The following TGFBR3 variants were observed in gnomAD, a reference collection of about 807,000 sequenced individuals.
The protein encoded by TGFBR3 is transforming growth factor beta receptor type 3.
Under a neutral mutation model 87.9 loss-of-function variants are expected in TGFBR3, and 46 were observed. The observed-to-expected ratio is 0.52, with a 90% CI of 0.41 to 0.67. TGFBR3 has a LOEUF of 0.67. Among genes scored for constraint, TGFBR3 ranks in the 30% least tolerant of loss-of-function variants. The pLI, the probability that TGFBR3 is intolerant of heterozygous loss-of-function variation, is 0.00. For missense variants in TGFBR3, 866 were observed against 1,041.9 expected (o/e 0.83, Z 2.32); for synonymous variants, 381 against 391.6 (o/e 0.97, Z 0.32).
At chr1:91,771,869 G>A (rs1674392805) in intron 3 of TGFBR3, among the ~76,000 whole-genome samples, 1 of 152,066 alleles carries the variant, frequency 6.6e-6, no homozygotes, top group Non-Finnish European at 1.5e-5. Context: ...GAAGCTCACA[G>A]TTTGATGGGG....
chr1:91,783,252 C>G (rs1185309663), intron 3 of TGFBR3: 1 of 144,424 alleles, frequency 6.9e-6, no homozygotes, highest in Non-Finnish European at 1.5e-5. Flanking sequence ...ATTTCAGGTT[C>G]AGCTGAAGGA....
At chr1:91,707,510 C>T (rs1671834851) in intron 14 of TGFBR3, among the ~76,000 whole-genome samples, 1 of 152,208 alleles carries the variant, frequency 6.6e-6, no homozygotes, top group Admixed American at 6.5e-5. Context: ...ATCAGGAATG[C>T]CATCCCAGGG....
intron 2 of TGFBR3, among the ~76,000 whole-genome samples, chr1:91,803,418 G>A (rs1449483791): frequency 6.6e-6 from 1 of 152,174 alleles, no homozygotes; most frequent in Admixed American, 6.5e-5. Flanking sequence ...GATGTAACAG[G>A]CAGCACTAGA....
intron 4 of TGFBR3, among the ~76,000 whole-genome samples, chr1:91,736,301 G>A (rs968208098): frequency 1.3e-5 from 2 of 149,180 alleles, no homozygotes; most frequent in East Asian, 2.0e-4. Context: ...AGAAATGATC[G>A]TGACTACACT....
At chr1:91,807,278 C>A (rs914131212) in intron 2 of TGFBR3, among the ~76,000 whole-genome samples, 3 of 152,156 alleles carry the variant, frequency 2.0e-5, no homozygotes, top group African/African-American at 7.2e-5. Context: ...GTAGACAAGT[C>A]CTAAAACTTG....
At chr1:91,872,999 T>C (rs1430964874) in intron 1 of TGFBR3, among the ~76,000 whole-genome samples, 1 of 152,054 alleles carries the variant, frequency 6.6e-6, no homozygotes, top group Non-Finnish European at 1.5e-5. Flanking sequence ...GGTTTCACTC[T>C]GTCACTCAGG....
chr1:91,739,769 T>C (rs1303436673), intron 4 of TGFBR3, among the ~76,000 whole-genome samples: 5 of 151,874 alleles, frequency 3.3e-5, no homozygotes, highest in Non-Finnish European at 7.4e-5. Context: ...AGAAAAGAGG[T>C]TTAATTGGCT....
intron 3 of TGFBR3, among the ~76,000 whole-genome samples, chr1:91,796,801 C>T (rs1412715058): frequency 2.0e-5 from 3 of 152,176 alleles, no homozygotes; most frequent in Non-Finnish European, 4.4e-5. Flanking sequence ...ACTCCAGCCT[C>T]GATTTCCCAG....
intron 2 of TGFBR3, among the ~76,000 whole-genome samples, chr1:91,860,587 A>G (rs1022684974): frequency 2.6e-5 from 4 of 152,096 alleles, no homozygotes; most frequent in African/African-American, 7.2e-5. Flanking sequence ...TTAAGCAACA[A>G]TGTTCCAAGT....
intron 2 of TGFBR3, among the ~76,000 whole-genome samples, chr1:91,846,136 A>G (rs1263960979): frequency 6.6e-6 from 1 of 152,238 alleles, no homozygotes; most frequent in Admixed American, 6.5e-5. Flanking sequence ...CTTCTCCAAA[A>G]AGAAAAGCAA....
At chr1:91,723,237 T>C (rs1249065981) in intron 7 of TGFBR3, among the ~76,000 whole-genome samples, 2 of 152,010 alleles carry the variant, frequency 1.3e-5, no homozygotes, top group Non-Finnish European at 2.9e-5. Context: ...ATACTAGCAT[T>C]TGGGGAGGCT....
At position 91,681,830 on chromosome 1, in the gene TGFBR3, G is replaced by T. The variant is rs955327756; in HGVS notation, c.*1909C>A. ...GCTGAAACAATACATTCCACCGAAG[G>T]TTAGGCAAAGCGCAATATTTTCAAA... On this transcript the variant is annotated 3_prime_UTR_variant, in exon 17 of 17. Transcript: ENST00000212355. 2.0e-5 allele frequency: 9 copies of T among 453,160 alleles called. No individual in the cohort carries two copies. The highest frequency in any genetic ancestry group is 6.8e-4 in the Middle Eastern group (1 of 1,462). 28.1% of individuals were successfully genotyped at this position (453,160 alleles called of 1,614,324 possible). A position where few individuals can be genotyped will look rare whatever the true frequency, so the allele number is the denominator to read the frequency against.
chr1:91,746,874 T>A (rs994066692), intron 4 of TGFBR3, among the ~76,000 whole-genome samples: 1 of 152,208 alleles, frequency 6.6e-6, no homozygotes, highest in African/African-American at 2.4e-5. Flanking sequence ...TTTCTCACTC[T>A]AGAGCTCTTT....
chr1:91,903,338 CAAA>C lies in TGFBR3; in HGVS notation c.-175+2485_-175+2487del, dbSNP rs58672104. On this transcript the variant is annotated intron_variant, in intron 1 of 17. Coordinates refer to the TGFBR3 transcript ENST00000370399. ...TGGGAGACAGAGTGAGATTCTGCCT[CAAA>C]AAAAAAAAAAAAAAAAAAAAAAAAA... Among the ~76,000 whole-genome samples, 447 of 50,470 alleles carry C rather than the reference CAAA, an allele frequency of 8.9e-3. 2 individuals are homozygous for C. The highest frequency in any genetic ancestry group is 0.029 in the African/African-American group (422 of 14,450). The allele number at this position is 50,470 out of a possible 152,430, so 33.1% of individuals were successfully genotyped here.
chr1:91,746,752 A>C (rs765980206), intron 4 of TGFBR3, among the ~76,000 whole-genome samples: 5 of 152,126 alleles, frequency 3.3e-5, no homozygotes, highest in Non-Finnish European at 5.9e-5. Flanking sequence ...CAAGGCTGAT[A>C]ATCTCAACTC....
intron 2 of TGFBR3, among the ~76,000 whole-genome samples, chr1:91,898,279 G>A (rs2101344503): frequency 6.6e-6 from 1 of 152,130 alleles, no homozygotes; most frequent in East Asian, 1.9e-4. Context: ...CATTTAAAAA[G>A]ACAGAACATG....
At chr1:91,687,934 C>G (rs6604050) in intron 16 of TGFBR3, among the ~76,000 whole-genome samples, 55,551 of 152,030 alleles carry the variant, frequency 0.37, 10,414 homozygotes, top group African/African-American at 0.41. Context: ...ATGCGATTTT[C>G]TATCAATTAA....
chr1:91,797,290 T>C lies in TGFBR3; in HGVS notation c.243A>G (p.Arg81=). 6.2e-7 allele frequency: 1 copy of C among 1,614,098 alleles called. No individual in the cohort carries two copies. Among genetic ancestry groups the C allele is most frequent in the Non-Finnish European group, 8.5e-7 (1 of 1,180,032 alleles). Residue 81 remains arginine (R), a synonymous_variant, in exon 3 of 17, where the codon AGA becomes AGG. Coordinates refer to ENST00000212355, the MANE Select transcript of TGFBR3 (RefSeq NM_003243.5). ...TAGQGPGQLQ[R]EVTLHLNPIS... ...GAGAGCTGACACCTGCACCTACCTC[T>C]CTCTGTAGCTGGCCAGGCCCCTGGC...
At chr1:91,904,288 ATT>A (rs1285182606) in intron 1 of TGFBR3, among the ~76,000 whole-genome samples, 147 of 126,060 alleles carry the variant, frequency 1.2e-3, no homozygotes, top group African/African-American at 3.2e-3. Context: ...CAGGGCTTGG[ATT>A]TTTTTTTTTT....
Sources: gnomAD v4.1 joint callset for allele counts (sites outside exome capture counted in the v4.1 genomes callset) on GRCh38, gnomAD v4.1.1 for gene constraint, MANE v1.5 for transcripts, NCBI Gene and HGNC (gene_info 2026-07-23, HGNC 2026-07-21) for gene names.